Variants in ETFA observed in about 807,000 individuals in gnomAD.
ETFA encodes electron transfer flavoprotein subunit alpha, mitochondrial.
In ETFA, 22 loss-of-function variants were observed where a neutral mutation model predicts 46.2. The observed-to-expected ratio is 0.48, with a 90% CI of 0.34 to 0.68. The LOEUF (loss-of-function observed/expected upper bound fraction) is 0.68, where lower values mean the gene tolerates loss of function less well. Ranked by LOEUF, ETFA falls within the 30% of genes least tolerant of loss-of-function variation. The pLI, the probability that ETFA is intolerant of heterozygous loss-of-function variation, is 0.01. For missense variants in ETFA, 345 were observed against 401.1 expected (o/e 0.86, Z 1.19); for synonymous variants, 131 against 139.9 (o/e 0.94, Z 0.45).
At chr15:76,220,265 G>A (rs1003931808) in intron 11 of ETFA, among the ~76,000 whole-genome samples, 2 of 152,054 alleles carry the variant, frequency 1.3e-5, no homozygotes, top group Non-Finnish European at 2.9e-5. Context: ...ATGGGGTTTC[G>A]CCTTGTTGGC....
intron 5 of ETFA, among the ~76,000 whole-genome samples, chr15:76,286,980 A>T: frequency 6.6e-6 from 1 of 152,250 alleles, no homozygotes; most frequent in Non-Finnish European, 1.5e-5. Flanking sequence ...ACAGTAACCT[A>T]AACCATGACA....
At chr15:76,289,927 T>C (rs1475272038) in intron 4 of ETFA, among the ~76,000 whole-genome samples, 1 of 152,144 alleles carries the variant, frequency 6.6e-6, no homozygotes, top group African/African-American at 2.4e-5. Flanking sequence ...GGTCTAACAC[T>C]CTGTTAGGTG....
rs530116754 is a variant in ETFA at position 76,241,905 on chromosome 15, C to T, written c.817-10507G>A. Among the ~76,000 whole-genome samples the T allele has an allele frequency of 2.8e-3, 409 of 143,606 alleles. 1 individual carries two copies. Among genetic ancestry groups the T allele is most frequent in the African/African-American group, 0.01 (385 of 38,160 alleles). The allele number at this position is 143,606 out of a possible 152,430, so 94.2% of individuals were successfully genotyped here. On this transcript the variant is annotated intron_variant, in intron 9 of 11. Coordinates refer to ENST00000557943, the MANE Select transcript of ETFA (RefSeq NM_000126.4). ...AGGCTGGAGTGCAATGGCACGATCTCGGCTCACTGCAACCTCCGCCTCCTG... is the reference window on the plus strand; with the variant it reads ...AGGCTGGAGTGCAATGGCACGATCTTGGCTCACTGCAACCTCCGCCTCCTG...
In ETFA at chr15:76,216,475, A is replaced by C. The variant is rs1044020946; in HGVS notation, c.*84T>G. ...TGAAATGTAGCTCTCCATGCTTTCC[A>C]ATGATTGTTATAATACCCACAAATA... On this transcript the variant is annotated 3_prime_UTR_variant, in exon 12 of 12. Transcript: ENST00000557943. 3 of 844,214 alleles carry C rather than the reference A, an allele frequency of 3.6e-6. No homozygotes were observed. The highest frequency in any genetic ancestry group is 1.9e-5 in the Admixed American group (1 of 52,442). 52.3% of individuals were successfully genotyped at this position (844,214 alleles called of 1,614,324 possible).
At chr15:76,235,324 C>G (rs1480829383) in intron 9 of ETFA, among the ~76,000 whole-genome samples, 1 of 152,186 alleles carries the variant, frequency 6.6e-6, no homozygotes, top group Non-Finnish European at 1.5e-5. Flanking sequence ...GCTGAGCAGG[C>G]TGCACACTGA....
chr15:76,236,091 T>G (rs996066780), intron 9 of ETFA, among the ~76,000 whole-genome samples: 1 of 152,210 alleles, frequency 6.6e-6, no homozygotes, highest in African/African-American at 2.4e-5. Context: ...AGTAAGTATA[T>G]ACTAACATCA....
At chr15:76,228,554 T>C (rs970864051) in intron 10 of ETFA, among the ~76,000 whole-genome samples, 1 of 152,072 alleles carries the variant, frequency 6.6e-6, no homozygotes, top group Non-Finnish European at 1.5e-5. Flanking sequence ...ACTACAGTAT[T>C]TAACAAAAAA....
intron 4 of ETFA, among the ~76,000 whole-genome samples, chr15:76,289,727 A>T (rs1211954517): frequency 6.6e-6 from 1 of 152,264 alleles, no homozygotes; most frequent in Non-Finnish European, 1.5e-5. Flanking sequence ...TCAAAACCAC[A>T]GCTGGTGAAG....
chr15:76,216,707 GAGGCACGAGGGCCCC>G (rs2038899625), intron 11 of ETFA, 110 bp from the exon 12 acceptor site: 1 of 750,430 alleles, frequency 1.3e-6, no homozygotes, highest in Non-Finnish European at 2.4e-6. Flanking sequence ...AATCACTGTT[GAGGCACGAGGGCCCC>G]CTCCTCTCCA....
chr15:76,225,744 C>A (rs1192517056), intron 11 of ETFA, 105 bp downstream of exon 11: 1 of 822,466 alleles, frequency 1.2e-6, no homozygotes, highest in East Asian at 2.4e-5. Context: ...AACACAGACA[C>A]ACAAACACAC....
At chr15:76,252,264 G>A (rs947727142) in intron 9 of ETFA, among the ~76,000 whole-genome samples, 2 of 152,098 alleles carry the variant, frequency 1.3e-5, no homozygotes, top group Non-Finnish European at 2.9e-5. Flanking sequence ...GAACTCCTGG[G>A]TTTCCTTCTA....
intron 9 of ETFA, among the ~76,000 whole-genome samples, chr15:76,254,867 A>AT (rs1421403404): frequency 6.6e-6 from 1 of 152,208 alleles, no homozygotes; most frequent in Admixed American, 6.5e-5. Flanking sequence ...AACTGCTATA[A>AT]TTTCTATAAT....
Position 76,292,636 on chromosome 15 carries a change from T to C in ETFA, c.251A>G (p.Tyr84Cys). The C allele has an allele frequency of 6.2e-7, 1 of 1,613,684 alleles. No homozygotes were observed. Among genetic ancestry groups the C allele is most frequent in the Non-Finnish European group, 8.5e-7 (1 of 1,179,542 alleles). ...AACCTCACCTGGAAGTAGGCCTTTG[T>C]ACACATCATGCTGAGCCACCAGAAC... is the stretch of plus-strand genomic sequence containing the variant. ...AKVLVAQHDV[Y>C]KGLLPEELTP... is the part of the protein sequence containing the mutation. The change falls in exon 3 of 12, where the codon TAC becomes TGC. Residue 84 changes from tyrosine to cysteine, a missense_variant. Transcript: ENST00000557943.
chr15:76,271,867 G>T (rs933954514), intron 9 of ETFA, among the ~76,000 whole-genome samples: 2 of 150,918 alleles, frequency 1.3e-5, no homozygotes, highest in African/African-American at 2.4e-5. Context: ...CATAAATTAC[G>T]TGTGTATATA....
intron 1 of ETFA, among the ~76,000 whole-genome samples, chr15:76,300,053 C>T (rs2039864804): frequency 6.6e-6 from 1 of 152,190 alleles, no homozygotes; most frequent in African/African-American, 2.4e-5. Flanking sequence ...AAATTACCAA[C>T]AAACCCTTTT....
At chr15:76,225,786 C>T in intron 11 of ETFA, 63 bp downstream of exon 11, 5 of 1,009,518 alleles carry the variant, frequency 5.0e-6, no homozygotes, top group Non-Finnish European at 8.0e-6. Context: ...CATCCCTAAC[C>T]ATTTCTGAGA....
chr15:76,291,580 C>T (rs995063613), intron 4 of ETFA, among the ~76,000 whole-genome samples: 1 of 151,722 alleles, frequency 6.6e-6, no homozygotes, highest in South Asian at 2.1e-4. Flanking sequence ...GAAACCCCGT[C>T]TCTACTAAAA....
rs1405829462 is a variant in ETFA at position 76,292,623 on chromosome 15, A to C, written c.264T>G (p.Leu88=). The C allele has an allele frequency of 6.2e-7, 1 of 1,612,862 alleles. No individual in the cohort carries two copies. Among genetic ancestry groups the C allele is most frequent in the Admixed American group, 1.7e-5 (1 of 60,028 alleles). ...VAQHDVYKGL[L]PEELTPLILA... ...TTTTCTACTGGAAAACCTCACCTGG[A>C]AGTAGGCCTTTGTACACATCATGCT... Residue 88 remains leucine, a synonymous_variant, in exon 3 of 12, where the codon CTT becomes CTG. Transcript: ENST00000557943.
intron 7 of ETFA, 26 bp from the exon 8 acceptor site, chr15:76,283,851 A>T (rs760780360): frequency 6.4e-7 from 1 of 1,552,070 alleles, no homozygotes; most frequent in South Asian, 1.1e-5. Flanking sequence ...GAAAAAAAAA[A>T]ATTAGGCAAA....
Sources: gnomAD v4.1 joint callset for allele counts (sites outside exome capture counted in the v4.1 genomes callset) on GRCh38, gnomAD v4.1.1 for gene constraint, MANE v1.5 for transcripts, NCBI Gene and HGNC (gene_info 2026-07-23, HGNC 2026-07-21) for gene names.